The following GPC6 variants were observed in gnomAD, a reference collection of about 807,000 sequenced individuals.
GPC6 encodes glypican-6.
GPC6 carries 14 observed loss-of-function variants against 55.2 expected under a neutral mutation model. The observed-to-expected ratio is 0.25, with a 90% CI of 0.17 to 0.40. The LOEUF (loss-of-function observed/expected upper bound fraction) is 0.40, where lower values mean the gene tolerates loss of function less well. Among genes scored for constraint, GPC6 ranks in the 10% least tolerant of loss-of-function variants. GPC6 has a pLI of 1.00. For missense variants in GPC6, 641 were observed against 708.5 expected (o/e 0.90, Z 1.08); for synonymous variants, 278 against 259.6 (o/e 1.07, Z -0.68).
At chr13:93,307,327 A>C (rs1396152723) in intron 1 of GPC6, among the ~76,000 whole-genome samples, 1 of 152,134 alleles carries the variant, frequency 6.6e-6, no homozygotes, top group African/African-American at 2.4e-5. Context: ...TCACATGTAT[A>C]TATTAATATA....
intron 2 of GPC6, among the ~76,000 whole-genome samples, chr13:93,807,834 A>C (rs1022740671): frequency 5.3e-5 from 8 of 152,236 alleles, no homozygotes; most frequent in Non-Finnish European, 7.3e-5. Context: ...ACTTGAACAT[A>C]CTGGAAACTC....
At chr13:94,301,296 C>A (rs116846397) in intron 5 of GPC6, among the ~76,000 whole-genome samples, 3,235 of 152,234 alleles carry the variant, frequency 0.021, 45 homozygotes, top group African/African-American at 0.034. Flanking sequence ...ACTCGGGAGG[C>A]TGAGGCAAGA....
At position 93,458,314 on chromosome 13, in the gene GPC6, G is replaced by A. The variant is rs1278402815; in HGVS notation, c.161-86949G>A. Among the ~76,000 whole-genome samples the A allele has an allele frequency of 3.3e-5, 5 of 152,026 alleles. No homozygotes were observed. In the East Asian group the frequency reaches 9.7e-4, roughly 29 times the overall value. On this transcript the variant is annotated intron_variant, in intron 1 of 8. Transcript: ENST00000377047. The stretch of plus-strand genomic sequence containing the variant: ...CTCCTTGTGAAAATGTCCTCCCCTA[G>A]TACTCTTCATTGTATCATCCTGTCT...
intron 1 of GPC6, among the ~76,000 whole-genome samples, chr13:93,403,796 C>G (rs1876184039): frequency 6.6e-6 from 1 of 151,998 alleles, no homozygotes; most frequent in Non-Finnish European, 1.5e-5. Context: ...CTCTCTCTCT[C>G]CAGAGTTTGT....
rs547147102 is a variant in GPC6 at position 93,236,199 on chromosome 13, G to C, written c.160+8583G>C. On this transcript the variant is annotated intron_variant, in intron 1 of 8. Transcript: ENST00000377047. Reference sequence around the variant, plus strand: ...GATGGGAGCTGATGATCATAGCATGGCTTAGCTAATCTTCATTATCCTTTT... The same window carrying C: ...GATGGGAGCTGATGATCATAGCATGCCTTAGCTAATCTTCATTATCCTTTT... 7.9e-5 allele frequency among the ~76,000 whole-genome samples: 12 copies of C among 152,280 alleles called. No homozygotes were observed. The South Asian group carries it at 2.5e-3, about 32-fold the overall frequency.
chr13:93,816,835 C>T (rs914824086), intron 2 of GPC6, among the ~76,000 whole-genome samples: 1 of 152,032 alleles, frequency 6.6e-6, no homozygotes, highest in African/African-American at 2.4e-5. Context: ...TGAGATTGTA[C>T]TGGATATATA....
At chr13:94,123,765 T>C (rs1339157053) in intron 4 of GPC6, among the ~76,000 whole-genome samples, 1 of 152,058 alleles carries the variant, frequency 6.6e-6, no homozygotes, top group Non-Finnish European at 1.5e-5. Context: ...TATTGGATAC[T>C]AATCTTGGGA....
At chr13:93,842,984 T>C (rs911096809) in intron 3 of GPC6, among the ~76,000 whole-genome samples, 5 of 152,048 alleles carry the variant, frequency 3.3e-5, no homozygotes, top group South Asian at 2.1e-4. Flanking sequence ...ATCTCTAATA[T>C]GATTTTATAT....
intron 4 of GPC6, among the ~76,000 whole-genome samples, chr13:94,277,574 T>G (rs1053143235): frequency 1.3e-5 from 2 of 152,236 alleles, no homozygotes; most frequent in African/African-American, 4.8e-5. Flanking sequence ...GTCTTACATT[T>G]AAGTCTTTAA....
At chr13:93,459,326 A>G (rs188564287) in intron 1 of GPC6, among the ~76,000 whole-genome samples, 1 of 152,328 alleles carries the variant, frequency 6.6e-6, no homozygotes, top group Admixed American at 6.5e-5. Context: ...TTGACTTCCC[A>G]AAGTTCTGGG....
At chr13:93,639,855 AT>A (rs1368330512) in intron 2 of GPC6, among the ~76,000 whole-genome samples, 1 of 152,142 alleles carries the variant, frequency 6.6e-6, no homozygotes, top group Non-Finnish European at 1.5e-5. Flanking sequence ...ATCTTTATAA[AT>A]TTAGCATTAC....
At chr13:93,446,031 A>G (rs1877983850) in intron 1 of GPC6, among the ~76,000 whole-genome samples, 1 of 152,214 alleles carries the variant, frequency 6.6e-6, no homozygotes, top group African/African-American at 2.4e-5. Context: ...TTTAGTAATC[A>G]TGCTAAAATA....
intron 2 of GPC6, among the ~76,000 whole-genome samples, chr13:93,755,617 C>A (rs527318241): frequency 6.6e-6 from 1 of 152,040 alleles, no homozygotes; most frequent in Non-Finnish European, 1.5e-5. Flanking sequence ...GGTTTTAGAA[C>A]GTTGGGCATT....
At chr13:93,373,839 T>TTA (rs1874775678) in intron 1 of GPC6, among the ~76,000 whole-genome samples, 1 of 152,200 alleles carries the variant, frequency 6.6e-6, no homozygotes, top group South Asian at 2.1e-4. Flanking sequence ...TTTGCGTTTA[T>TTA]TATATATATT....
At chr13:93,269,005 A>G (rs966346406) in intron 1 of GPC6, among the ~76,000 whole-genome samples, 1 of 138,740 alleles carries the variant, frequency 7.2e-6, no homozygotes, top group African/African-American at 2.7e-5. Flanking sequence ...GGGGAGCATT[A>G]GTTACGATTG....
At chr13:94,072,899 T>C (rs1884786811) in intron 4 of GPC6, among the ~76,000 whole-genome samples, 1 of 152,032 alleles carries the variant, frequency 6.6e-6, no homozygotes, top group Middle Eastern at 3.2e-3. Context: ...TTGGACAATA[T>C]GTGGGAGCAA....
chr13:93,881,683 C>G (rs1051906200), intron 3 of GPC6, among the ~76,000 whole-genome samples: 2 of 151,996 alleles, frequency 1.3e-5, no homozygotes, highest in African/African-American at 4.8e-5. Flanking sequence ...GCAATTATCT[C>G]TGTATCCATC....
intron 2 of GPC6, among the ~76,000 whole-genome samples, chr13:93,588,367 A>AGT (rs71123497): frequency 0.018 from 2,704 of 150,454 alleles, 62 homozygotes; most frequent in African/African-American, 0.057. Flanking sequence ...GTGGCTATTA[A>AGT]GTGTGTGTGT....
rs1450523445 is a variant in GPC6, at chr13:94,407,420, T to C, written c.*4203T>C. The C allele has an allele frequency of 6.6e-6, 1 of 152,174 alleles. No individual in the cohort carries two copies. Among genetic ancestry groups the C allele is most frequent in the Non-Finnish European group, 1.5e-5 (1 of 68,012 alleles). The allele number at this position is 152,174 out of a possible 1,614,324, so 9.4% of individuals were successfully genotyped here. A position where few individuals can be genotyped will look rare whatever the true frequency, so the allele number is the denominator to read the frequency against. On this transcript the variant is annotated 3_prime_UTR_variant, in exon 9 of 9. Transcript: ENST00000377047. ...AAATCTACCAGTGCCCTTTCTGCAT[T>C]TTCTTAATTATTGTCATAGTCTAAA...
Sources: allele counts gnomAD v4.1 joint callset (sites outside exome capture counted in the v4.1 genomes callset), GRCh38; gene constraint gnomAD v4.1.1; transcripts MANE v1.5; gene names NCBI Gene and HGNC (gene_info 2026-07-23, HGNC 2026-07-21).